AGAP4: variants seen among roughly 807,000 people sequenced by gnomAD.
The protein encoded by AGAP4 is ArfGAP with GTPase domain, ankyrin repeat and PH domain 4.
In AGAP4, 13 loss-of-function variants were observed where a neutral mutation model predicts 60.7. The observed-to-expected ratio is 0.21, with a 90% confidence interval of 0.14 to 0.34. The LOEUF is 0.34. AGAP4 is among the 10% of genes least tolerant of loss of function. The pLI, the probability that AGAP4 is intolerant of heterozygous loss-of-function variation, is 1.00. For missense variants in AGAP4, 169 were observed against 884.0 expected, an observed-to-expected ratio of 0.19 and a Z score of 10.26; for synonymous variants, 70 against 339.0, an observed-to-expected ratio of 0.21 and a Z score of 8.72.
upstream of AGAP4, chr10:45,854,647 AAAAAAAAAAAAGAGAG>A (rs1307098963): frequency 6.7e-6 from 1 of 150,228 alleles, no homozygotes; most frequent in South Asian, 2.1e-4. Flanking sequence ...AAAAAAAAAA[AAAAAAAAAAAAGAGAG>A]AAAAAGAGAG....
At chr10:45,853,968 A>G, upstream of AGAP4, 1 of 1,097,716 alleles carries the variant, frequency 9.1e-7, no homozygotes, top group South Asian at 1.9e-5. Context: ...TGGGGGGACA[A>G]CTTCACTGTG....
At chr10:45,852,217 TAAAAAA>T (rs781889843), upstream of AGAP4, among the ~76,000 whole-genome samples, 98 of 91,710 alleles carry the variant, frequency 1.1e-3, 1 homozygote, top group Middle Eastern at 0.011. Context: ...GGCCAGACTT[TAAAAAA>T]AAAAAAAAAA....
At position 45,847,396 on chromosome 10, in the gene AGAP4, G is replaced by C; in HGVS notation, c.-49C>G. On this transcript the variant is annotated 5_prime_UTR_variant, in exon 1 of 8. Coordinates refer to ENST00000616763, the MANE Select transcript of AGAP4 (RefSeq NM_001276343.3). ...CACCTGTGCCTCTGCTCACAGCTTT[G>C]GCCACGCACTCCCGCTGTCCTAGGC... 1 of 1,564,570 alleles carries C rather than the reference G, an allele frequency of 6.4e-7. No individual in the cohort carries two copies. The highest frequency in any genetic ancestry group is 8.6e-7 in the Non-Finnish European group (1 of 1,162,292).
chr10:45,829,124 AG>A (rs2058691374), intron 6 of AGAP4, among the ~76,000 whole-genome samples: 1 of 72,126 alleles, frequency 1.4e-5, no homozygotes, highest in Non-Finnish European at 2.6e-5. Flanking sequence ...TAAAAGCAAA[AG>A]TGGGTACAAT....
chr10:45,854,321 A>G (rs1374259737), upstream of AGAP4: 1 of 154,688 alleles, frequency 6.5e-6, no homozygotes, highest in Admixed American at 6.3e-5. Flanking sequence ...TAATCCCCTC[A>G]TTTTCTCTCT....
intron 4 of AGAP4, among the ~76,000 whole-genome samples, chr10:45,840,030 T>A (rs1185985351): frequency 1.3e-5 from 2 of 149,578 alleles, no homozygotes; most frequent in East Asian, 2.0e-4. Flanking sequence ...AGTAAAAAAG[T>A]AACAGAGAAA....
chr10:45,848,118 A>G (rs1475296322), upstream of AGAP4, among the ~76,000 whole-genome samples: 1 of 146,182 alleles, frequency 6.8e-6, no homozygotes, highest in Non-Finnish European at 1.5e-5. Flanking sequence ...GTAACTAAAC[A>G]CTCCTCTCCT....
upstream of AGAP4, among the ~76,000 whole-genome samples, chr10:45,851,650 C>T (rs1432066798): frequency 3.3e-5 from 5 of 149,540 alleles, no homozygotes; most frequent in African/African-American, 4.9e-5. Context: ...GACTTTTATT[C>T]CAAGATTCAA....
intron 5 of AGAP4, among the ~76,000 whole-genome samples, chr10:45,831,908 GT>G (rs1478432226): frequency 6.8e-6 from 1 of 147,924 alleles, no homozygotes; most frequent in Non-Finnish European, 1.5e-5. Context: ...CCCAGATAAT[GT>G]TTTTTTGGGG....
chr10:45,841,400 C>A lies in AGAP4; in HGVS notation c.396+253G>T, dbSNP rs1159911633. ...TACAGACGTTAGCCACCATGCCCAG[C>A]CTTAAGGCAGATCTTTTGAACCGGA... On this transcript the variant is annotated intron_variant, in intron 4 of 7. Transcript: ENST00000616763. 486 of 394,716 alleles carry A rather than the reference C, an allele frequency of 1.2e-3. 1 individual carries two copies. The highest frequency in any genetic ancestry group is 8.9e-3 in the African/African-American group (436 of 48,760). The allele number at this position is 394,716 out of a possible 1,614,324, so 24.5% of individuals were successfully genotyped here.
intron 6 of AGAP4, among the ~76,000 whole-genome samples, chr10:45,830,447 C>A (rs2135926587): frequency 8.2e-6 from 1 of 122,394 alleles, no homozygotes; most frequent in Non-Finnish European, 1.8e-5. Flanking sequence ...GCTGGGATTA[C>A]AGGTGTGAAC....
At chr10:45,851,832 G>A (rs1412308531), upstream of AGAP4, among the ~76,000 whole-genome samples, 2 of 151,614 alleles carry the variant, frequency 1.3e-5, no homozygotes, top group Non-Finnish European at 2.9e-5. Flanking sequence ...CAAGAAGGGA[G>A]AAAGGACCAT....
At chr10:45,847,516 G>A (rs2059020181), upstream of AGAP4, 1 of 1,507,786 alleles carries the variant, frequency 6.6e-7, no homozygotes, top group South Asian at 1.2e-5. Context: ...CCTGGCCCTG[G>A]CCCCGGCCCC....
At chr10:45,844,239 A>T (rs2058965386) in intron 3 of AGAP4, 87 bp downstream of exon 3, 2 of 1,441,784 alleles carry the variant, frequency 1.4e-6, no homozygotes, top group African/African-American at 3.1e-5. Context: ...TTTTAAACCA[A>T]TATGAGTTTT....
chr10:45,838,342 G>A (rs1284463025), intron 4 of AGAP4, among the ~76,000 whole-genome samples: 121 of 151,842 alleles, frequency 8.0e-4, no homozygotes, highest in African/African-American at 2.6e-3. Flanking sequence ...TGGGTTCAGC[G>A]GATACTGCTC....
chr10:45,840,027 A>C (rs1174191707), intron 4 of AGAP4, among the ~76,000 whole-genome samples: 2 of 150,618 alleles, frequency 1.3e-5, no homozygotes, highest in Non-Finnish European at 2.9e-5. Flanking sequence ...ATCAGTAAAA[A>C]AGTAACAGAG....
In AGAP4 at chr10:45,828,470, C is replaced by T. The variant is rs1375196283; in HGVS notation, c.534-390G>A. 1.1e-3 allele frequency among the ~76,000 whole-genome samples: 160 copies of T among 148,504 alleles called. 3 individuals are homozygous for T. The highest frequency in any genetic ancestry group is 3.7e-3 in the African/African-American group (153 of 40,958). On this transcript the variant is annotated intron_variant, in intron 6 of 7. Transcript: ENST00000616763. The stretch of plus-strand genomic sequence containing the variant: ...TTCCTAGCTTCCTTTCTCTTTAGTT[C>T]TCTGTAGTATACTCTCATGATGTAT...
rs1201501592 is a variant in AGAP4 at position 45,834,721 on chromosome 10, A to AT, written c.397-606dup. Among the ~76,000 whole-genome samples the AT allele has an allele frequency of 1.1e-3, 126 of 113,466 alleles. 1 individual carries two copies. Among genetic ancestry groups the AT allele is most frequent in the African/African-American group, 1.5e-3 (39 of 26,668 alleles). 74.4% of individuals were successfully genotyped at this position (113,466 alleles called of 152,430 possible). A position where few individuals can be genotyped will look rare whatever the true frequency, so the allele number is the denominator to read the frequency against. On this transcript the variant is annotated intron_variant, in intron 4 of 7. Transcript: ENST00000616763. ...AAAGAAAAGTTTAAAATAAGATTTCATTTTTTTTTCTGCAGCAATAAAAAG... is the reference window on the plus strand; with the variant it reads ...AAAGAAAAGTTTAAAATAAGATTTCATTTTTTTTTTCTGCAGCAATAAAAAG...
At chr10:45,847,546 G>T, upstream of AGAP4, 1 of 1,451,552 alleles carries the variant, frequency 6.9e-7, no homozygotes, top group East Asian at 2.5e-5. Flanking sequence ...TGCGGGCCAA[G>T]GCCCGCACCC....
Sources: allele counts gnomAD v4.1 joint callset (sites outside exome capture counted in the v4.1 genomes callset), GRCh38; gene constraint gnomAD v4.1.1; transcripts MANE v1.5; gene names NCBI Gene and HGNC (gene_info 2026-07-23, HGNC 2026-07-21).